The following NEB variants were observed in gnomAD, a reference collection of about 807,000 sequenced individuals.
NEB encodes nebulin, also known as nemaline myopathy type 2.
In NEB, 512 loss-of-function variants were observed where a neutral mutation model predicts 952.2. The ratio of observed to expected loss-of-function variants is 0.54; its 90% CI spans 0.50 to 0.58. The LOEUF (loss-of-function observed/expected upper bound fraction) is 0.58, where lower values mean the gene tolerates loss of function less well. NEB is among the 20% of genes least tolerant of loss of function. The probability of loss-of-function intolerance (pLI) is 0.00; values close to 1 mark genes in which losing one functional copy is unlikely to be tolerated. For missense variants in NEB, 8,428 were observed against 9,231.1 expected (o/e 0.91, Z 3.56); for synonymous variants, 2,900 against 3,149.8 (o/e 0.92, Z 2.66).
In NEB at chr2:151,717,483, T is replaced by A; in HGVS notation, c.755A>T (p.Gln252Leu). The change falls in exon 10 of 182, where the codon CAA becomes CTA. Residue 252 changes from glutamine to leucine, a missense_variant. Transcript: ENST00000397345. The stretch of plus-strand genomic sequence containing the variant: ...TGGAGGATCAGCCAGAGGCGTGAAT[T>A]GAGCTTGCTGTTCAGCGAGACCTTT... ...YKKGLAEQQA[Q>L]FTPLADPPDI... 4 of 1,613,950 alleles carry A rather than the reference T, an allele frequency of 2.5e-6. No homozygotes were observed. Among genetic ancestry groups the A allele is most frequent in the Non-Finnish European group, 2.5e-6 (3 of 1,179,810 alleles).
chr2:151,614,267 G>A lies in NEB; in HGVS notation c.11601+9C>T. On this transcript the variant is annotated intron_variant, in intron 77 of 181. Transcript: ENST00000397345. The stretch of plus-strand genomic sequence containing the variant: ...TAAACCATTACTGAAGAATATTAGA[G>A]CCACTCACATCACTCTGCAGGTCAT... The A allele has an allele frequency of 6.2e-7, 1 of 1,610,802 alleles. No individual in the cohort carries two copies. The highest frequency in any genetic ancestry group is 1.1e-5 in the South Asian group (1 of 91,034).
At chr2:151,698,984 G>C (rs1438084583) in intron 13 of NEB, among the ~76,000 whole-genome samples, 1 of 137,452 alleles carries the variant, frequency 7.3e-6, no homozygotes, top group Non-Finnish European at 1.6e-5. Flanking sequence ...TCGTCATCTA[G>C]CATTAGGTAT....
chr2:151,533,400 ACTT>A (rs1413753333), intron 143 of NEB, 39 bp downstream of exon 143: 6 of 1,346,286 alleles, frequency 4.5e-6, no homozygotes, highest in East Asian at 5.0e-5. Context: ...TGCATCCAAG[ACTT>A]CTTCTAAACC....
intron 8 of NEB, among the ~76,000 whole-genome samples, chr2:151,723,750 G>GGTTTT (rs1553685530): frequency 3.9e-5 from 2 of 51,364 alleles, no homozygotes; most frequent in African/African-American, 1.4e-4. Flanking sequence ...TGCCTTCTTT[G>GGTTTT]TTTTTTTTTT....
chr2:151,656,443 C>T lies in NEB; in HGVS notation c.6205G>A (p.Glu2069Lys), dbSNP rs754065526. The T allele has an allele frequency of 2.5e-6, 4 of 1,611,880 alleles. No homozygotes were observed. Among genetic ancestry groups the T allele is most frequent in the South Asian group, 1.1e-5 (1 of 90,806 alleles). Residue 2069 changes from glutamate (E) to lysine (K), a missense_variant, in exon 49 of 182, where the codon GAA (glutamate) becomes AAA (lysine). Around this residue, in one of 11 missense-constraint regions of NEB, gnomAD observed 2,851 missense variants for 2,791.5 expected, o/e 1.02. Transcript: ENST00000397345. Reference protein sequence around the residue: ...ASDYKYKYNYEKGKGKMVGFR... With the variant: ...ASDYKYKYNYKKGKGKMVGFR... ...CCAACCATTTTCCCCTTCCCTTTTT[C>T]ATAATTGTACTTGTATTTATACTGT...
chr2:151,650,608 A>G lies in NEB; in HGVS notation c.7193T>C (p.Val2398Ala), dbSNP rs201132539. ...CAGTTCATAAACTTTCTTAGCTTGCACAACATCGTTCTGATCAGGCAGACA... is the reference window on the plus strand; with the variant it reads ...CAGTTCATAAACTTTCTTAGCTTGCGCAACATCGTTCTGATCAGGCAGACA... ...WTCLPDQNDVVQAKKVYELQS... is the reference protein window; with the variant it reads ...WTCLPDQNDVAQAKKVYELQS... Residue 2398 changes from valine (V) to alanine (A), a missense_variant, in exon 53 of 182, where the codon GTG (valine) becomes GCG (alanine). Transcript: ENST00000397345. 6.3e-7 allele frequency: 1 copy of G among 1,595,742 alleles called. No homozygotes were observed. The highest frequency in any genetic ancestry group is 2.2e-5 in the East Asian group (1 of 44,664).
At chr2:151,610,644 G>T (rs1351873477) in intron 79 of NEB, 21 bp from the exon 80 acceptor site, 1 of 1,589,558 alleles carries the variant, frequency 6.3e-7, no homozygotes, top group Non-Finnish European at 8.6e-7. Context: ...GATAATAGAC[G>T]ACAGAAAATA....
intron 124 of NEB, among the ~76,000 whole-genome samples, chr2:151,556,479 T>C (rs552067797): frequency 1.6e-4 from 24 of 152,180 alleles, no homozygotes; most frequent in Non-Finnish European, 3.2e-4. Context: ...ACAGAAAATG[T>C]TCCTGATTAA....
At chr2:151,628,359 C>G (rs535537123) in intron 68 of NEB, among the ~76,000 whole-genome samples, 4 of 152,172 alleles carry the variant, frequency 2.6e-5, no homozygotes, top group Non-Finnish European at 4.4e-5. Flanking sequence ...GGATTATATT[C>G]CCATACTACA....
intron 163 of NEB, 114 bp from the exon 164 acceptor site, chr2:151,506,372 C>T (rs1280404359): frequency 1.8e-5 from 14 of 772,150 alleles, no homozygotes; most frequent in Non-Finnish European, 2.8e-5. Flanking sequence ...GACGATGTTC[C>T]CAGGCAAGTG....
At chr2:151,632,444 G>T (rs997841375) in intron 65 of NEB, among the ~76,000 whole-genome samples, 1 of 152,036 alleles carries the variant, frequency 6.6e-6, no homozygotes, top group Non-Finnish European at 1.5e-5. Flanking sequence ...GGGATGCTGA[G>T]GGGGGCAGAT....
chr2:151,530,225 G>A (rs984433951), intron 145 of NEB, among the ~76,000 whole-genome samples: 1 of 152,112 alleles, frequency 6.6e-6, no homozygotes, highest in Non-Finnish European at 1.5e-5. Context: ...TATTGTCATT[G>A]CTGGAGACAT....
chr2:151,641,969 C>A lies in NEB; in HGVS notation c.8373+605G>T, dbSNP rs574047897. On this transcript the variant is annotated intron_variant, in intron 60 of 181. Coordinates refer to ENST00000397345, the MANE Select transcript of NEB (RefSeq NM_001164508.2). Reference sequence around the variant, plus strand: ...CTAATGCTATCCCTCCTCCCTCCCCCCATCCTATGACAGGCCCCAGTGTGT... The same window carrying A: ...CTAATGCTATCCCTCCTCCCTCCCCACATCCTATGACAGGCCCCAGTGTGT... 6.6e-5 allele frequency among the ~76,000 whole-genome samples: 10 copies of A among 152,340 alleles called. No individual in the cohort carries two copies. In the South Asian group the frequency reaches 8.3e-4, roughly 13 times the overall value.
chr2:151,645,887 TATG>T (rs1049305182), intron 55 of NEB, among the ~76,000 whole-genome samples: 10 of 152,200 alleles, frequency 6.6e-5, no homozygotes, highest in African/African-American at 2.4e-4. Flanking sequence ...TAAGCCACCT[TATG>T]ATGATATGTA....
chr2:151,530,744 A>G (rs927108425), intron 145 of NEB: 16 of 368,618 alleles, frequency 4.3e-5, no homozygotes, highest in African/African-American at 3.1e-4. Flanking sequence ...ATGGCTAGCC[A>G]TGGGAGTGAG....
chr2:151,498,033 C>G, intron 170 of NEB: 1 of 1,442,516 alleles, frequency 6.9e-7, no homozygotes, highest in South Asian at 1.5e-5. Flanking sequence ...GTTATCCACA[C>G]AAATGGAAAC....
Position 151,609,872 on chromosome 2 carries a change from C to G in NEB, c.12267G>C (p.Trp4089Cys). 1 of 1,612,082 alleles carries G rather than the reference C, an allele frequency of 6.2e-7. No homozygotes were observed. Among genetic ancestry groups the G allele is most frequent in the Non-Finnish European group, 8.5e-7 (1 of 1,178,346 alleles). Residue 4089 changes from tryptophan (W) to cysteine (C), a missense_variant, in exon 81 of 182, where the codon TGG (tryptophan) becomes TGC (cysteine). By Grantham distance (215) the Trp-to-Cys change is radical. This residue lies in a region of NEB where 337 missense variants were observed against 297.5 expected (regional missense o/e 1.13). Transcript: ENST00000397345. Reference protein sequence around the residue: ...DIDYRNYLHEWTCMPDQNDII... With the variant: ...DIDYRNYLHECTCMPDQNDII... ...TGTCGTTTTGATCCGGCATGCATGT[C>G]CATTCATGCAGGTAATTGCGATAAT...
intron 135 of NEB, among the ~76,000 whole-genome samples, chr2:151,543,155 T>C (rs540836366): frequency 1.3e-5 from 2 of 152,260 alleles, no homozygotes; most frequent in Admixed American, 1.3e-4. Context: ...TTTCATCAAC[T>C]AGAGCTCAGA....
intron 71 of NEB, among the ~76,000 whole-genome samples, chr2:151,622,269 T>G (rs1574064417): frequency 6.6e-6 from 1 of 152,208 alleles, no homozygotes; most frequent in African/African-American, 2.4e-5. Flanking sequence ...ATTTCAGGCA[T>G]GAGCCACTGC....
Sources: allele counts gnomAD v4.1 joint callset (sites outside exome capture counted in the v4.1 genomes callset), GRCh38; gene constraint gnomAD v4.1.1; regional missense constraint gnomAD v4.1.1; transcripts MANE v1.5; gene names NCBI Gene and HGNC (gene_info 2026-07-23, HGNC 2026-07-21).